SFMBT2: variants seen among roughly 807,000 people sequenced by gnomAD.
SFMBT2 encodes Scm like with four mbt domains 2, also known as scm-like with four MBT domains protein 2.
A neutral mutation model predicts 110.1 loss-of-function variants in SFMBT2; 38 were observed. The observed-to-expected ratio is 0.35, with a 90% CI of 0.27 to 0.45. The LOEUF is 0.45. Ranked by LOEUF, SFMBT2 falls within the 20% of genes least tolerant of loss-of-function variation. SFMBT2 has a pLI of 1.00. For missense variants in SFMBT2, 1,011 were observed against 1,094.9 expected, an observed-to-expected ratio of 0.92 and a Z score of 1.08; for synonymous variants, 425 against 425.4, an observed-to-expected ratio of 1.00 and a Z score of 0.01.
chr10:7,387,413 G>A (rs369912264), intron 1 of SFMBT2, among the ~76,000 whole-genome samples: 8 of 152,166 alleles, frequency 5.3e-5, no homozygotes, highest in South Asian at 2.1e-4. Context: ...ACCAGTGGCT[G>A]CCAGCAAGGA....
At chr10:7,344,784 C>T (rs964734460) in intron 4 of SFMBT2, among the ~76,000 whole-genome samples, 2 of 151,580 alleles carry the variant, frequency 1.3e-5, no homozygotes, top group Admixed American at 6.6e-5. Flanking sequence ...GAAAACCTGT[C>T]CCTACTAAAA....
chr10:7,223,507 G>A (rs1180618926), intron 10 of SFMBT2, among the ~76,000 whole-genome samples: 2 of 151,986 alleles, frequency 1.3e-5, no homozygotes, highest in East Asian at 1.9e-4. Context: ...CTCAGATCCT[G>A]AGATTCCATT....
At chr10:7,191,699 C>A (rs1030700768) in intron 15 of SFMBT2, among the ~76,000 whole-genome samples, 5 of 152,206 alleles carry the variant, frequency 3.3e-5, no homozygotes, top group Non-Finnish European at 7.3e-5. Flanking sequence ...CATCCACCCC[C>A]ACTAAGACAT....
At chr10:7,400,756 G>A (rs1237608216) in intron 1 of SFMBT2, among the ~76,000 whole-genome samples, 3 of 152,232 alleles carry the variant, frequency 2.0e-5, no homozygotes, top group African/African-American at 7.2e-5. Flanking sequence ...GGCCTCCTCT[G>A]CTGCCTCCTC....
Position 7,205,714 on chromosome 10 carries a change from T to C in SFMBT2, c.1444+101A>G. Reference sequence around the variant, plus strand: ...TCTTGGTGGAAAATCAAAAATCTTATTTGTTCTTTAGAACTTGGTTATAAT... The same window carrying C: ...TCTTGGTGGAAAATCAAAAATCTTACTTGTTCTTTAGAACTTGGTTATAAT... On this transcript the variant is annotated intron_variant, in intron 12 of 20. Transcript: ENST00000397167. 5 of 1,455,022 alleles carry C rather than the reference T, an allele frequency of 3.4e-6. No individual in the cohort carries two copies. In the Admixed American group the frequency reaches 1.3e-4, roughly 39 times the overall value. 90.1% of individuals were successfully genotyped at this position (1,455,022 alleles called of 1,614,324 possible). A position where few individuals can be genotyped will look rare whatever the true frequency, so the allele number is the denominator to read the frequency against.
rs147815488 is a variant in SFMBT2 at position 7,397,769 on chromosome 10, T to C, written c.-52+13092A>G. Among the ~76,000 whole-genome samples the C allele has an allele frequency of 5.0e-3, 757 of 152,326 alleles. 6 individuals are homozygous for C. The highest frequency in any genetic ancestry group is 0.017 in the African/African-American group (702 of 41,564). ...AAATGGCTTTGAAGATGAAGCGCCGTGTTAAGTGCCAAGCACTATTATCAA... is the reference window on the plus strand; with the variant it reads ...AAATGGCTTTGAAGATGAAGCGCCGCGTTAAGTGCCAAGCACTATTATCAA... On this transcript the variant is annotated intron_variant, in intron 1 of 20. Coordinates refer to ENST00000397167, the MANE Select transcript of SFMBT2 (RefSeq NM_001387889.1).
chr10:7,204,947 C>A (rs1019580537), intron 12 of SFMBT2: 3 of 984,710 alleles, frequency 3.0e-6, no homozygotes, highest in Non-Finnish European at 2.4e-6. Context: ...TATGAATGGG[C>A]GTTTACTGCT....
chr10:7,405,897 C>A (rs1002694901), intron 1 of SFMBT2, among the ~76,000 whole-genome samples: 1 of 145,868 alleles, frequency 6.9e-6, no homozygotes, highest in African/African-American at 2.5e-5. Context: ...GATCACCAAA[C>A]TGAATACACA....
At chr10:7,275,183 G>A (rs1201696235) in intron 7 of SFMBT2, among the ~76,000 whole-genome samples, 5 of 152,248 alleles carry the variant, frequency 3.3e-5, no homozygotes, top group African/African-American at 1.2e-4. Context: ...TGGCAGCTCC[G>A]AGGCTTAGAC....
intron 4 of SFMBT2, among the ~76,000 whole-genome samples, chr10:7,366,023 C>T (rs1489195718): frequency 6.6e-6 from 1 of 152,142 alleles, no homozygotes; most frequent in South Asian, 2.1e-4. Flanking sequence ...GTGATGAACA[C>T]TGAAGGCGCA....
intron 15 of SFMBT2, among the ~76,000 whole-genome samples, chr10:7,189,559 C>T (rs563319143): frequency 6.6e-6 from 1 of 152,354 alleles, no homozygotes; most frequent in African/African-American, 2.4e-5. Flanking sequence ...AGTTCTGGCA[C>T]ATTCCTGGGC....
intron 16 of SFMBT2, among the ~76,000 whole-genome samples, chr10:7,178,906 C>A (rs1838156460): frequency 6.6e-6 from 1 of 152,226 alleles, no homozygotes. Context: ...AGCTTCTCAA[C>A]TGGCAACAGA....
intron 7 of SFMBT2, among the ~76,000 whole-genome samples, chr10:7,251,093 A>G (rs1840790445): frequency 6.6e-6 from 1 of 152,220 alleles, no homozygotes; most frequent in Admixed American, 6.5e-5. Context: ...TGATCTTTAC[A>G]AATTATATGA....
rs73617450 is a variant in SFMBT2 at position 7,365,052 on chromosome 10, A to G, written c.436+2597T>C. ...AAAGGCAGATCTAACAATCTCCCTC[A>G]GGACCTGTTTAGGCTGGGTCTGGGG... On this transcript the variant is annotated intron_variant, in intron 4 of 20. Transcript: ENST00000397167. 5.0e-3 allele frequency among the ~76,000 whole-genome samples: 762 copies of G among 152,370 alleles called. 6 individuals are homozygous for G. The highest frequency in any genetic ancestry group is 0.018 in the African/African-American group (729 of 41,588).
rs928072056 is a variant in SFMBT2 at position 7,280,418 on chromosome 10, A to C, written c.773-3429T>G. On this transcript the variant is annotated intron_variant, in intron 6 of 20. Coordinates refer to ENST00000397167, the MANE Select transcript of SFMBT2 (RefSeq NM_001387889.1). ...GGAGGGGGTGATAAAATAATTTTGA[A>C]GGAAAAAAACAAGGGAATAAATTCT... 2.6e-4 allele frequency among the ~76,000 whole-genome samples: 39 copies of C among 152,340 alleles called. 1 individual carries two copies. The highest frequency in any genetic ancestry group is 3.4e-3 in the Middle Eastern group (1 of 292).
At position 7,229,822 on chromosome 10, in the gene SFMBT2, G is replaced by C. The variant is rs1840062156; in HGVS notation, c.1121-1885C>G. On this transcript the variant is annotated intron_variant, in intron 9 of 20. Transcript: ENST00000397167. ...TGCAACCTGTGCCTCCTGGGTTCAAGCAATTCTCCTGCCTCAGCCTCCTGA... is the reference window on the plus strand; with the variant it reads ...TGCAACCTGTGCCTCCTGGGTTCAACCAATTCTCCTGCCTCAGCCTCCTGA... Among the ~76,000 whole-genome samples, 2 of 150,666 alleles carry C rather than the reference G, an allele frequency of 1.3e-5. 1 individual carries two copies. The highest frequency in any genetic ancestry group is 4.2e-4 in the South Asian group (2 of 4,708).
intron 13 of SFMBT2, among the ~76,000 whole-genome samples, chr10:7,202,088 G>A (rs1022058428): frequency 2.6e-5 from 4 of 152,232 alleles, no homozygotes; most frequent in Non-Finnish European, 5.9e-5. Context: ...GGCTACTCTA[G>A]GAGAGGTGAG....
At chr10:7,312,920 G>A (rs974252327) in intron 4 of SFMBT2, among the ~76,000 whole-genome samples, 1 of 152,164 alleles carries the variant, frequency 6.6e-6, no homozygotes, top group African/African-American at 2.4e-5. Context: ...CTGGGATTGG[G>A]GATGCTTCCA....
chr10:7,396,675 A>G (rs1204392239), intron 1 of SFMBT2, among the ~76,000 whole-genome samples: 1 of 152,054 alleles, frequency 6.6e-6, no homozygotes, highest in African/African-American at 2.4e-5. Flanking sequence ...AAGAAATGTA[A>G]AACTATCATT....
Sources: gnomAD v4.1 joint callset for allele counts (sites outside exome capture counted in the v4.1 genomes callset) on GRCh38, gnomAD v4.1.1 for gene constraint, MANE v1.5 for transcripts, NCBI Gene and HGNC (gene_info 2026-07-23, HGNC 2026-07-21) for gene names.